Variants in DNAJC1 observed in about 807,000 individuals in gnomAD.
DNAJC1 encodes DnaJ heat shock protein family (Hsp40) member C1.
A neutral mutation model predicts 76.6 loss-of-function variants in DNAJC1; 58 were observed. That is an observed-to-expected ratio of 0.76 (90% CI 0.61 to 0.94). The LOEUF is 0.94. Ranked by LOEUF, DNAJC1 falls within the 40% of genes least tolerant of loss-of-function variation. The pLI, the probability that DNAJC1 is intolerant of heterozygous loss-of-function variation, is 0.00. For missense variants in DNAJC1, 689 were observed against 677.3 expected, an observed-to-expected ratio of 1.02 and a Z score of -0.19; for synonymous variants, 258 against 267.9, an observed-to-expected ratio of 0.96 and a Z score of 0.36.
chr10:21,816,100 A>T (rs943842227), intron 8 of DNAJC1, among the ~76,000 whole-genome samples: 2 of 150,026 alleles, frequency 1.3e-5, no homozygotes, highest in Admixed American at 1.3e-4. Flanking sequence ...CCTATCCTAG[A>T]TGGGCACCTG....
At chr10:21,951,185 T>G (rs1837588754) in intron 1 of DNAJC1, among the ~76,000 whole-genome samples, 1 of 152,090 alleles carries the variant, frequency 6.6e-6, no homozygotes, top group South Asian at 2.1e-4. Flanking sequence ...CAGGGCGTTG[T>G]GGTACGCACC....
chr10:21,758,454 G>A (rs1834202618), intron 11 of DNAJC1, among the ~76,000 whole-genome samples: 1 of 152,158 alleles, frequency 6.6e-6, no homozygotes, highest in South Asian at 2.1e-4. Flanking sequence ...CTCTCCACAG[G>A]GCACTCCCGC....
chr10:21,764,584 A>T (rs1176038442), intron 10 of DNAJC1, among the ~76,000 whole-genome samples: 3 of 152,292 alleles, frequency 2.0e-5, no homozygotes, highest in East Asian at 3.9e-4. Context: ...GGTATCCAAA[A>T]TCTTAGGAAA....
chr10:21,951,807 T>C (rs761037140), intron 1 of DNAJC1, among the ~76,000 whole-genome samples: 6 of 152,220 alleles, frequency 3.9e-5, no homozygotes, highest in Admixed American at 6.5e-5. Flanking sequence ...GTTCACTTTG[T>C]TACACAATTA....
intron 3 of DNAJC1, among the ~76,000 whole-genome samples, chr10:21,923,564 T>C (rs1590050875): frequency 6.6e-6 from 1 of 151,936 alleles, no homozygotes. Context: ...AATGTATGTG[T>C]TGTAAGATAT....
chr10:21,889,803 T>C (rs1225991848), intron 7 of DNAJC1, among the ~76,000 whole-genome samples: 1 of 152,206 alleles, frequency 6.6e-6, no homozygotes, highest in African/African-American at 2.4e-5. Flanking sequence ...TAGGCATTTA[T>C]CTTTTGTCTA....
At chr10:21,924,307 C>G (rs575550971) in intron 3 of DNAJC1, among the ~76,000 whole-genome samples, 4 of 152,076 alleles carry the variant, frequency 2.6e-5, no homozygotes, top group Admixed American at 2.6e-4. Context: ...CATATTAAGG[C>G]TGAATAACTA....
chr10:21,761,690 G>A (rs548834057), intron 10 of DNAJC1, among the ~76,000 whole-genome samples: 7 of 152,144 alleles, frequency 4.6e-5, no homozygotes, highest in Admixed American at 2.6e-4. Flanking sequence ...GTGTGTGAAC[G>A]TCTAGAAACA....
At chr10:21,881,914 G>C (rs1371717092) in intron 8 of DNAJC1, among the ~76,000 whole-genome samples, 6 of 150,860 alleles carry the variant, frequency 4.0e-5, no homozygotes, top group African/African-American at 1.5e-4. Context: ...CAGCACTTTG[G>C]GAGGCCGAGG....
At chr10:21,780,972 T>C (rs953532627) in intron 9 of DNAJC1, among the ~76,000 whole-genome samples, 11 of 152,166 alleles carry the variant, frequency 7.2e-5, no homozygotes, top group African/African-American at 2.4e-4. Flanking sequence ...AAACAGACTT[T>C]AAACCAACAA....
intron 8 of DNAJC1, among the ~76,000 whole-genome samples, chr10:21,880,723 T>C (rs1011287135): frequency 1.4e-4 from 21 of 152,320 alleles, no homozygotes; most frequent in African/African-American, 4.6e-4. Flanking sequence ...AGAGCACAGA[T>C]AGAATGGATT....
chr10:21,973,089 C>T (rs1838005465), intron 1 of DNAJC1, among the ~76,000 whole-genome samples: 1 of 152,132 alleles, frequency 6.6e-6, no homozygotes, highest in Non-Finnish European at 1.5e-5. Flanking sequence ...TTAATAAATA[C>T]ATATTTATAT....
intron 1 of DNAJC1, among the ~76,000 whole-genome samples, chr10:21,975,699 A>G (rs1406548318): frequency 6.6e-6 from 1 of 152,248 alleles, no homozygotes; most frequent in Admixed American, 6.5e-5. Context: ...AAATGCAATT[A>G]TAAATCATTG....
At chr10:21,970,690 T>C (rs1206839167) in intron 1 of DNAJC1, among the ~76,000 whole-genome samples, 3 of 151,942 alleles carry the variant, frequency 2.0e-5, no homozygotes, top group Non-Finnish European at 4.4e-5. Flanking sequence ...GAATACAGAG[T>C]TGACTTGATG....
intron 7 of DNAJC1, among the ~76,000 whole-genome samples, chr10:21,902,446 A>G (rs1836672838): frequency 1.3e-5 from 2 of 151,920 alleles, no homozygotes; most frequent in Non-Finnish European, 2.9e-5. Flanking sequence ...TGGGGATTAT[A>G]GGCGCACACC....
At chr10:21,855,135 TAATC>T (rs1209287741) in intron 8 of DNAJC1, among the ~76,000 whole-genome samples, 1 of 152,182 alleles carries the variant, frequency 6.6e-6, no homozygotes, top group African/African-American at 2.4e-5. Flanking sequence ...TATAGGCATT[TAATC>T]AATACTGACG....
chr10:21,814,964 C>T (rs911479672), intron 8 of DNAJC1, among the ~76,000 whole-genome samples: 2 of 152,106 alleles, frequency 1.3e-5, no homozygotes, highest in African/African-American at 2.4e-5. Context: ...AAAGCAGATG[C>T]TCTGGATTAA....
chr10:21,812,680 C>T (rs1480163628), intron 8 of DNAJC1, among the ~76,000 whole-genome samples: 1 of 152,024 alleles, frequency 6.6e-6, no homozygotes, highest in Non-Finnish European at 1.5e-5. Context: ...GATCCTCCCG[C>T]CTTGGCCTCC....
At chr10:21,934,970 A>G (rs1376676281) in intron 1 of DNAJC1, among the ~76,000 whole-genome samples, 2 of 152,222 alleles carry the variant, frequency 1.3e-5, no homozygotes, top group Non-Finnish European at 2.9e-5. Context: ...TCTATTTCAG[A>G]AAAGTCACTA....
Sources: gnomAD v4.1 joint callset for allele counts (sites outside exome capture counted in the v4.1 genomes callset) on GRCh38, gnomAD v4.1.1 for gene constraint, MANE v1.5 for transcripts, NCBI Gene and HGNC (gene_info 2026-07-23, HGNC 2026-07-21) for gene names.